Variants in SORCS2 observed in about 807,000 individuals in gnomAD.
SORCS2 encodes VPS10 domain-containing receptor SorCS2.
A neutral mutation model predicts 141.6 loss-of-function variants in SORCS2; 100 were observed. That is an observed-to-expected ratio of 0.71 (90% confidence interval 0.60 to 0.83). The LOEUF is 0.83. Among genes scored for constraint, SORCS2 ranks in the 40% least tolerant of loss-of-function variants. SORCS2 has a pLI of 0.00. For missense variants in SORCS2, 1,646 were observed against 1,560.2 expected (o/e 1.05, Z -0.93); for synonymous variants, 789 against 676.9 (o/e 1.17, Z -2.57).
At chr4:7,613,668 C>T (rs766778197) in intron 3 of SORCS2, among the ~76,000 whole-genome samples, 32 of 152,110 alleles carry the variant, frequency 2.1e-4, no homozygotes, top group Non-Finnish European at 4.0e-4. Context: ...CAACCGATTC[C>T]ACACTCTCTC....
intron 3 of SORCS2, among the ~76,000 whole-genome samples, chr4:7,538,396 G>T (rs759868108): frequency 6.6e-6 from 1 of 152,330 alleles, no homozygotes; most frequent in East Asian, 1.9e-4. Flanking sequence ...GCTCAGATCA[G>T]CTTCGGGCCG....
At chr4:7,730,720 C>T (rs1279681511) in intron 23 of SORCS2, among the ~76,000 whole-genome samples, 2 of 152,124 alleles carry the variant, frequency 1.3e-5, no homozygotes, top group African/African-American at 4.8e-5. Flanking sequence ...TGAGTTGTTG[C>T]CAGGGGCTGG....
intron 10 of SORCS2, among the ~76,000 whole-genome samples, chr4:7,685,000 G>A (rs1232098480): frequency 6.6e-6 from 1 of 152,200 alleles, no homozygotes; most frequent in Non-Finnish European, 1.5e-5. Flanking sequence ...CTCAGGGGCC[G>A]GCTGCCCGCC....
At chr4:7,265,073 A>G (rs1272768161) in intron 1 of SORCS2, among the ~76,000 whole-genome samples, 4 of 152,330 alleles carry the variant, frequency 2.6e-5, no homozygotes, top group Admixed American at 6.5e-5. Flanking sequence ...CATGCTCTGC[A>G]TGGGACTTCT....
rs920862565 is a variant in SORCS2, at chr4:7,661,536, C to T, written c.924C>T (p.Val308=). The change falls in exon 6 of 27, where the codon GTC becomes GTT. Residue 308 remains valine, a synonymous_variant. Transcript: ENST00000507866. ...GGGTGGACGCTGACCCTGACTTGGT[C>T]CACGTGGAAGCCCAAGACCTCGGTG... is the stretch of plus-strand genomic sequence containing the variant. ...VSGVDADPDL[V]HVEAQDLGGD... 28 of 1,551,824 alleles carry T rather than the reference C, an allele frequency of 1.8e-5. 1 individual carries two copies. Among genetic ancestry groups the T allele is most frequent in the Middle Eastern group, 3.3e-4 (2 of 6,010 alleles).
At position 7,742,671 on chromosome 4, in the gene SORCS2, A is replaced by G. The variant is rs1712762729; in HGVS notation, c.*2407A>G. On this transcript the variant is annotated 3_prime_UTR_variant, in exon 27 of 27. Coordinates refer to ENST00000507866, the MANE Select transcript of SORCS2 (RefSeq NM_020777.3). ...CCTGGTTGTAAATTCGAGGGTCTGCATATCTGATGTTCAGGTAGACCTGGG... is the reference window on the plus strand; with the variant it reads ...CCTGGTTGTAAATTCGAGGGTCTGCGTATCTGATGTTCAGGTAGACCTGGG... 6.6e-6 allele frequency: 1 copy of G among 152,274 alleles called. No individual in the cohort carries two copies. The highest frequency in any genetic ancestry group is 2.4e-5 in the African/African-American group (1 of 41,438). 9.4% of individuals were successfully genotyped at this position (152,274 alleles called of 1,614,324 possible).
chr4:7,590,080 GTC>G (rs1716814642), intron 3 of SORCS2, among the ~76,000 whole-genome samples: 1 of 152,190 alleles, frequency 6.6e-6, no homozygotes. Context: ...GCAAAGGTCT[GTC>G]TCTTAAAACC....
intron 3 of SORCS2, among the ~76,000 whole-genome samples, chr4:7,573,472 G>C (rs564564882): frequency 6.6e-6 from 1 of 152,190 alleles, no homozygotes; most frequent in African/African-American, 2.4e-5. Context: ...GGCATAAATA[G>C]AGTTCTATTA....
chr4:7,477,667 G>A (rs141285424), intron 2 of SORCS2, among the ~76,000 whole-genome samples: 57 of 152,338 alleles, frequency 3.7e-4, no homozygotes, highest in African/African-American at 1.3e-3. Flanking sequence ...CACAGAAGGC[G>A]GGAGGACATG....
chr4:7,537,762 C>T lies in SORCS2; in HGVS notation c.648+6133C>T, dbSNP rs186533393. Among the ~76,000 whole-genome samples, 9 of 152,278 alleles carry T rather than the reference C, an allele frequency of 5.9e-5. No homozygotes were observed. The East Asian group carries it at 1.7e-3, about 29-fold the overall frequency. On this transcript the variant is annotated intron_variant, in intron 3 of 26. Coordinates refer to ENST00000507866, the MANE Select transcript of SORCS2 (RefSeq NM_020777.3). ...GTGTCTCACACCTGTGATCCCAGCA[C>T]TTTGGGAGCAGAGGCTGGAGCATCG...
chr4:7,370,689 T>C (rs1263879823), intron 1 of SORCS2, among the ~76,000 whole-genome samples: 1 of 152,138 alleles, frequency 6.6e-6, no homozygotes, highest in East Asian at 1.9e-4. Context: ...CGAGCTGGTG[T>C]CCCCACGAGG....
rs547106964 is a variant in SORCS2, at chr4:7,685,265, T to C, written c.1488+2376T>C. On this transcript the variant is annotated intron_variant, in intron 10 of 26. Transcript: ENST00000507866. ...ATGTCCTGGCCTTGAAATAATGAAA[T>C]GGGAGCAAACTGGTGAGCGTGTGGC... Among the ~76,000 whole-genome samples the C allele has an allele frequency of 3.3e-5, 5 of 152,162 alleles. No individual in the cohort carries two copies. In the East Asian group the frequency reaches 9.7e-4, roughly 29 times the overall value.
At chr4:7,349,663 C>T (rs114078458) in intron 1 of SORCS2, among the ~76,000 whole-genome samples, 6 of 152,312 alleles carry the variant, frequency 3.9e-5, no homozygotes, top group Admixed American at 6.5e-5. Context: ...GCCAGATGGA[C>T]GTGAGGCTCA....
At chr4:7,598,701 A>G (rs1453171255) in intron 3 of SORCS2, among the ~76,000 whole-genome samples, 1 of 152,214 alleles carries the variant, frequency 6.6e-6, no homozygotes, top group African/African-American at 2.4e-5. Context: ...AGCTTTCCCC[A>G]TGAAAACCTC....
At chr4:7,257,682 A>C (rs1713993889) in intron 1 of SORCS2, among the ~76,000 whole-genome samples, 1 of 152,134 alleles carries the variant, frequency 6.6e-6, no homozygotes, top group Non-Finnish European at 1.5e-5. Flanking sequence ...AGAGAAGTGC[A>C]CATGTGGGAA....
At chr4:7,710,875 C>T (rs1725788823) in intron 14 of SORCS2, among the ~76,000 whole-genome samples, 1 of 152,244 alleles carries the variant, frequency 6.6e-6, no homozygotes, top group African/African-American at 2.4e-5. Context: ...GGCTCAAGCC[C>T]CATTTCCCCA....
At chr4:7,385,028 A>G (rs1723207860) in intron 1 of SORCS2, among the ~76,000 whole-genome samples, 1 of 152,144 alleles carries the variant, frequency 6.6e-6, no homozygotes, top group African/African-American at 2.4e-5. Flanking sequence ...CTCTGCGGGC[A>G]TTTGTGGATC....
rs1730662648 is a variant in SORCS2 at position 7,481,928 on chromosome 4, G to GC, written c.549-49602_549-49601insC. Among the ~76,000 whole-genome samples the GC allele has an allele frequency of 9.0e-5, 9 of 100,034 alleles. 1 individual carries two copies. The highest frequency in any genetic ancestry group is 6.0e-4 in the East Asian group (1 of 1,658). 65.6% of individuals were successfully genotyped at this position (100,034 alleles called of 152,430 possible). ...TATCCCCACTGCGGACACCCCTGACGTTGTTCAGACCTGTATCCCCACTGC... is the reference window on the plus strand; with the variant it reads ...TATCCCCACTGCGGACACCCCTGACGCTTGTTCAGACCTGTATCCCCACTGC... On this transcript the variant is annotated intron_variant, in intron 2 of 26. Transcript: ENST00000507866.
At chr4:7,593,374 C>A (rs1057184011) in intron 3 of SORCS2, among the ~76,000 whole-genome samples, 1 of 152,134 alleles carries the variant, frequency 6.6e-6, no homozygotes, top group Admixed American at 6.5e-5. Context: ...GCAGGTGAGG[C>A]GGGAGGTACT....
Sources: gnomAD v4.1 joint callset for allele counts (sites outside exome capture counted in the v4.1 genomes callset) on GRCh38, gnomAD v4.1.1 for gene constraint, MANE v1.5 for transcripts, NCBI Gene and HGNC (gene_info 2026-07-23, HGNC 2026-07-21) for gene names.